The following MTDH variants were observed in gnomAD, a reference collection of about 807,000 sequenced individuals.
MTDH encodes metadherin.
Under a neutral mutation model 72.7 loss-of-function variants are expected in MTDH, and 34 were observed. The ratio of observed to expected loss-of-function variants is 0.47; its 90% confidence interval spans 0.36 to 0.62. The LOEUF (loss-of-function observed/expected upper bound fraction) is 0.62. Among genes scored for constraint, MTDH ranks in the 20% least tolerant of loss-of-function variants. The probability of loss-of-function intolerance (pLI) is 0.00; values close to 1 mark genes in which losing one functional copy is unlikely to be tolerated. For missense variants in MTDH, 677 were observed against 699.4 expected (o/e 0.97, Z 0.36); for synonymous variants, 266 against 268.9 (o/e 0.99, Z 0.10).
chr8:97,691,281 A>C, intron 6 of MTDH, 93 bp downstream of exon 6: 1 of 877,358 alleles, frequency 1.1e-6, no homozygotes, highest in South Asian at 2.0e-5. Flanking sequence ...CTATGAATAG[A>C]AAAATAAGTA....
intron 10 of MTDH, among the ~76,000 whole-genome samples, chr8:97,719,410 T>C (rs1815017292): frequency 6.7e-6 from 1 of 150,264 alleles, no homozygotes; most frequent in Non-Finnish European, 1.5e-5. Context: ...GGAGAATCGC[T>C]TGAACCTGAG....
chr8:97,720,589 A>ATATT (rs200396258), intron 10 of MTDH, among the ~76,000 whole-genome samples: 5 of 148,630 alleles, frequency 3.4e-5, no homozygotes, highest in African/African-American at 1.0e-4. Context: ...GAATATATAT[A>ATATT]TATTTATTTA....
intron 6 of MTDH, among the ~76,000 whole-genome samples, chr8:97,699,252 C>T (rs1813999944): frequency 6.6e-6 from 1 of 151,936 alleles, no homozygotes; most frequent in Non-Finnish European, 1.5e-5. Flanking sequence ...TGTGCCACTA[C>T]ACTCCGGCCT....
At position 97,686,752 on chromosome 8, in the gene MTDH, G is replaced by C; in HGVS notation, c.568G>C (p.Gly190Arg). The C allele has an allele frequency of 6.3e-7, 1 of 1,587,468 alleles. No homozygotes were observed. Among genetic ancestry groups the C allele is most frequent in the Non-Finnish European group, 8.6e-7 (1 of 1,167,258 alleles). ...SRHDGKEVDEGAWETKISHRE... is the reference protein window; with the variant it reads ...SRHDGKEVDERAWETKISHRE... Reference sequence around the variant, plus strand: ...CCATGATGGAAAGGAAGTTGATGAAGGTACTTGAGCAAGGGAAAGGACTGT... The same window carrying C: ...CCATGATGGAAAGGAAGTTGATGAACGTACTTGAGCAAGGGAAAGGACTGT... Residue 190 changes from glycine to arginine, a missense_variant and splice_region_variant, in exon 3 of 12, where the codon GGA becomes CGA. Gly to Arg is a moderately radical substitution (Grantham distance 125). Around this residue, in one of 3 missense-constraint regions of MTDH, gnomAD observed 467 missense variants for 469.1 expected, o/e 1.00. Coordinates refer to ENST00000336273, the MANE Select transcript of MTDH (RefSeq NM_178812.4).
intron 2 of MTDH, among the ~76,000 whole-genome samples, chr8:97,678,736 G>A (rs941841474): frequency 1.3e-5 from 2 of 150,742 alleles, no homozygotes; most frequent in African/African-American, 4.9e-5. Flanking sequence ...ACCTTGACTG[G>A]CCTATTTTTC....
intron 6 of MTDH, among the ~76,000 whole-genome samples, chr8:97,693,613 A>G (rs893339585): frequency 2.6e-5 from 4 of 152,216 alleles, no homozygotes; most frequent in African/African-American, 7.2e-5. Flanking sequence ...GGCGTGAGCC[A>G]CCATGCCCAG....
chr8:97,683,829 C>A (rs774729164), intron 2 of MTDH, among the ~76,000 whole-genome samples: 5 of 152,062 alleles, frequency 3.3e-5, no homozygotes, highest in Non-Finnish European at 5.9e-5. Context: ...TGTGACTAGT[C>A]CGGCCGGGCG....
chr8:97,721,473 C>T (rs931881844), intron 10 of MTDH, among the ~76,000 whole-genome samples: 1 of 151,992 alleles, frequency 6.6e-6, no homozygotes, highest in Non-Finnish European at 1.5e-5. Context: ...CTTCAGATAC[C>T]TGGAATAGGA....
intron 4 of MTDH, among the ~76,000 whole-genome samples, 162 bp downstream of exon 4, chr8:97,687,767 C>T (rs1006255762): frequency 2.0e-5 from 3 of 152,102 alleles, no homozygotes; most frequent in Non-Finnish European, 4.4e-5. Flanking sequence ...ATCGGTTTAC[C>T]GAATACCAGC....
rs772298931 is a variant in MTDH at position 97,691,174 on chromosome 8, T to C, written c.1034T>C (p.Ile345Thr). The C allele has an allele frequency of 2.5e-6, 4 of 1,598,362 alleles. No homozygotes were observed. The highest frequency in any genetic ancestry group is 3.4e-6 in the Non-Finnish European group (4 of 1,171,314). The change falls in exon 6 of 12, where the codon ATA becomes ACA. Residue 345 changes from isoleucine to threonine, a missense_variant. Ile to Thr is a moderately conservative substitution (Grantham distance 89, BLOSUM62 -1). This residue lies in a region of MTDH where 467 missense variants were observed against 469.1 expected (regional missense o/e 1.00). Transcript: ENST00000336273. ...GGAAGGAGTTGGAGTGACCGTTCAA[T>C]ATTTTCTGGCATTGGTAAGAAGTGT... ...DWGRSWSDRS[I>T]FSGIGSTAEP...
chr8:97,726,943 G>GT lies in MTDH; in HGVS notation c.*2274dup, dbSNP rs1425424855. 6.6e-6 allele frequency: 1 copy of GT among 151,820 alleles called. No individual in the cohort carries two copies. Among genetic ancestry groups the GT allele is most frequent in the African/African-American group, 2.4e-5 (1 of 41,312 alleles). 9.4% of individuals were successfully genotyped at this position (151,820 alleles called of 1,614,324 possible). On this transcript the variant is annotated 3_prime_UTR_variant, in exon 12 of 12. Transcript: ENST00000336273. The stretch of plus-strand genomic sequence containing the variant: ...CAAAAAAAAAAATTAGCTGGGTGTG[G>GT]TGGTGGGCTCCTGTAATCCCAGCTA...
chr8:97,698,770 T>G (rs1265978374), intron 6 of MTDH, among the ~76,000 whole-genome samples: 7 of 152,234 alleles, frequency 4.6e-5, no homozygotes, highest in African/African-American at 1.7e-4. Context: ...CATCCAGGAC[T>G]AAAATGATCA....
chr8:97,711,212 T>C (rs1372610268), intron 8 of MTDH, among the ~76,000 whole-genome samples: 1 of 147,402 alleles, frequency 6.8e-6, no homozygotes, highest in Non-Finnish European at 1.5e-5. Flanking sequence ...TAAGAAATAA[T>C]ATAGGCCAGG....
intron 1 of MTDH, among the ~76,000 whole-genome samples, chr8:97,658,123 A>T (rs1451238937): frequency 6.6e-6 from 1 of 152,132 alleles, no homozygotes; most frequent in African/African-American, 2.4e-5. Context: ...TCATGGCATC[A>T]GGCATGTGTG....
chr8:97,682,689 C>T (rs1813185068), intron 2 of MTDH, among the ~76,000 whole-genome samples: 1 of 152,094 alleles, frequency 6.6e-6, no homozygotes, highest in Non-Finnish European at 1.5e-5. Flanking sequence ...TTTTTAGTTA[C>T]AAATCCCCAG....
intron 2 of MTDH, among the ~76,000 whole-genome samples, chr8:97,673,678 G>T (rs1208871690): frequency 1.3e-5 from 2 of 149,636 alleles, no homozygotes; most frequent in Non-Finnish European, 3.0e-5. Context: ...GCGGGGAAGG[G>T]GGGGCACAGG....
intron 2 of MTDH, among the ~76,000 whole-genome samples, chr8:97,685,320 AAATC>A (rs1813316212): frequency 2.0e-5 from 3 of 152,200 alleles, no homozygotes; most frequent in Admixed American, 1.3e-4. Context: ...TGAACAATGC[AAATC>A]AATTATGAGG....
In MTDH at chr8:97,644,866, G is replaced by T. The variant is rs758707074; in HGVS notation, c.360G>T (p.Lys120Asn). ...AGGAACAGAAGAAGAAGAACCGGAA[G>T]AAACTGTCCGAGAAGCCCAAAGTGA... ...RSEEQKKKNR[K>N]KLSEKPKPNG... Residue 120 changes from lysine to asparagine, a missense_variant, in exon 1 of 12, where the codon AAG becomes AAT. Transcript: ENST00000336273. The T allele has an allele frequency of 6.4e-7, 1 of 1,568,142 alleles. No individual in the cohort carries two copies. The highest frequency in any genetic ancestry group is 1.2e-5 in the South Asian group (1 of 85,802).
At position 97,692,166 on chromosome 8, in the gene MTDH, G is replaced by A. The variant is rs188493466; in HGVS notation, c.1048+978G>A. 3.9e-5 allele frequency among the ~76,000 whole-genome samples: 6 copies of A among 152,112 alleles called. No homozygotes were observed. The East Asian group carries it at 5.8e-4, about 15-fold the overall frequency. ...AAAGTGCTGGGATTTACAGGCGTGC[G>A]CCATCGCACCCGGCCTATAGTTTTG... On this transcript the variant is annotated intron_variant, in intron 6 of 11. Transcript: ENST00000336273.
Sources: allele counts gnomAD v4.1 joint callset (sites outside exome capture counted in the v4.1 genomes callset), GRCh38; gene constraint gnomAD v4.1.1; regional missense constraint gnomAD v4.1.1; transcripts MANE v1.5; gene names NCBI Gene and HGNC (gene_info 2026-07-23, HGNC 2026-07-21).